CIBAR2: variants seen among roughly 807,000 people sequenced by gnomAD.
The protein encoded by CIBAR2 is CBY1 interacting BAR domain containing 2, also known as CBY1-interacting BAR domain-containing protein 2.
Under a neutral mutation model 36.2 loss-of-function variants are expected in CIBAR2, and 38 were observed. The observed-to-expected ratio is 1.05, with a 90% CI of 0.81 to 1.38. The LOEUF is 1.38. Among genes scored for constraint, CIBAR2 ranks in the 40% most tolerant of loss-of-function variants. CIBAR2 has a pLI of 0.00. For synonymous variants in CIBAR2, 182 were observed against 149.5 expected, an observed-to-expected ratio of 1.22 and a Z score of -1.58; for missense variants, 481 against 383.4, an observed-to-expected ratio of 1.25 and a Z score of -2.13.
intron 2 of CIBAR2, among the ~76,000 whole-genome samples, 176 bp from the exon 3 acceptor site, chr16:85,108,275 G>A (rs893960583): frequency 6.6e-6 from 1 of 152,172 alleles, no homozygotes; most frequent in Non-Finnish European, 1.5e-5. Flanking sequence ...CTGGGTTCAG[G>A]GCCCGGCTCT....
intron 2 of CIBAR2, 100 bp downstream of exon 2, chr16:85,110,126 G>T: frequency 1.2e-6 from 1 of 836,074 alleles, no homozygotes; most frequent in Non-Finnish European, 1.9e-6. Context: ...CACACCCATT[G>T]GCTGTGGCCA....
rs569559148 is a variant in CIBAR2 at position 85,100,317 on chromosome 16, G to A, written c.652-77C>T. 8.9e-6 allele frequency: 8 copies of A among 893,860 alleles called. No individual in the cohort carries two copies. The East Asian group carries it at 1.1e-4, about 12-fold the overall frequency. 55.4% of individuals were successfully genotyped at this position (893,860 alleles called of 1,614,324 possible). A position where few individuals can be genotyped will look rare whatever the true frequency, so the allele number is the denominator to read the frequency against. On this transcript the variant is annotated intron_variant, in intron 7 of 8. Coordinates refer to ENST00000539556, the MANE Select transcript of CIBAR2 (RefSeq NM_198491.3). Reference sequence around the variant, plus strand: ...GGTTGGGGGAGTGGGATGGAAAGACGGTGGGGACGAGAAGGCCCGAGACAG... The same window carrying A: ...GGTTGGGGGAGTGGGATGGAAAGACAGTGGGGACGAGAAGGCCCGAGACAG...
chr16:85,102,194 A>G lies in CIBAR2; in HGVS notation c.651+20T>C. On this transcript the variant is annotated intron_variant, in intron 7 of 8. Transcript: ENST00000539556. ...TCTGCCCCACTCCACCATATAGGAA[A>G]CGGGGTGTCTGTGACTCACCAGTAG... 1.5e-6 allele frequency: 2 copies of G among 1,363,502 alleles called. No homozygotes were observed. Among genetic ancestry groups the G allele is most frequent in the Non-Finnish European group, 2.1e-6 (2 of 953,752 alleles). 84.5% of individuals were successfully genotyped at this position (1,363,502 alleles called of 1,614,324 possible). A position where few individuals can be genotyped will look rare whatever the true frequency, so the allele number is the denominator to read the frequency against.
At chr16:85,099,797 CTTTTT>C (rs71386075) in intron 8 of CIBAR2, among the ~76,000 whole-genome samples, 19 of 77,508 alleles carry the variant, frequency 2.5e-4, no homozygotes, top group Middle Eastern at 0.013. Flanking sequence ...CTAATTTTTG[CTTTTT>C]TTTTTTTTTT....
At chr16:85,108,706 C>T (rs1320799827) in intron 2 of CIBAR2, among the ~76,000 whole-genome samples, 2 of 152,084 alleles carry the variant, frequency 1.3e-5, no homozygotes, top group Admixed American at 1.3e-4. Context: ...AACCCCGTCT[C>T]TACTAAAAAT....
At chr16:85,107,825 C>G (rs780827290) in intron 4 of CIBAR2, 21 bp downstream of exon 4, 1 of 1,604,220 alleles carries the variant, frequency 6.2e-7, no homozygotes, top group Non-Finnish European at 8.5e-7. Context: ...AGCCCCAGGC[C>G]CCACTTCCAG....
At chr16:85,105,296 G>T in intron 6 of CIBAR2, 31 bp downstream of exon 6, 1 of 1,410,230 alleles carries the variant, frequency 7.1e-7, no homozygotes, top group Non-Finnish European at 1.0e-6. Context: ...GGCAGCCCAG[G>T]GCGCCTCCCA....
intron 2 of CIBAR2, among the ~76,000 whole-genome samples, chr16:85,108,987 T>C (rs755684975): frequency 5.9e-5 from 9 of 152,192 alleles, no homozygotes; most frequent in Non-Finnish European, 1.0e-4. Flanking sequence ...TCAAGGAAGA[T>C]GGCACCCTGT....
At chr16:85,107,600 C>A (rs764963881) in intron 5 of CIBAR2, 67 bp downstream of exon 5, 5 of 1,564,728 alleles carry the variant, frequency 3.2e-6, no homozygotes, top group Non-Finnish European at 4.4e-6. Flanking sequence ...TCTACCTGGC[C>A]GTTTTGTGAG....
In CIBAR2 at chr16:85,100,220, T is replaced by C; in HGVS notation, c.672A>G (p.Gln224=). 1 of 1,609,988 alleles carries C rather than the reference T, an allele frequency of 6.2e-7. No homozygotes were observed. Among genetic ancestry groups the C allele is most frequent in the Non-Finnish European group, 8.5e-7 (1 of 1,178,496 alleles). ...GAGTGTCATAATGCCCATAAACTCC[T>C]TGCATCTTGGCTCTAAAATCCTGCC... ...RDLLDFRAKM[Q]GVYGHYDTRL... Residue 224 remains glutamine, a synonymous_variant, in exon 8 of 9, where the codon CAA becomes CAG. Transcript: ENST00000539556.
chr16:85,104,873 C>T (rs924409868), intron 6 of CIBAR2, among the ~76,000 whole-genome samples: 1 of 152,100 alleles, frequency 6.6e-6, no homozygotes, highest in East Asian at 1.9e-4. Flanking sequence ...GCTCTGGGCC[C>T]GGGGCTTTGT....
rs543488040 is a variant in CIBAR2, at chr16:85,106,334, A to T, written c.433-903T>A. 1.3e-3 allele frequency among the ~76,000 whole-genome samples: 202 copies of T among 152,224 alleles called. 1 individual carries two copies. The highest frequency in any genetic ancestry group is 4.2e-3 in the African/African-American group (175 of 41,542). ...GGTAGGTAGGATAAACGGCCCCCCA[A>T]AGATGTCTGCATCCTAATCCCTGGC... On this transcript the variant is annotated intron_variant, in intron 5 of 8. Coordinates refer to ENST00000539556, the MANE Select transcript of CIBAR2 (RefSeq NM_198491.3).
intron 8 of CIBAR2, 85 bp downstream of exon 8, chr16:85,100,054 C>G: frequency 9.5e-7 from 1 of 1,057,192 alleles, no homozygotes; most frequent in Non-Finnish European, 1.4e-6. Flanking sequence ...AGCCACCCTC[C>G]TCTAATCCCT....
At chr16:85,109,735 A>T (rs1324428135) in intron 2 of CIBAR2, among the ~76,000 whole-genome samples, 1 of 152,162 alleles carries the variant, frequency 6.6e-6, no homozygotes, top group Admixed American at 6.5e-5. Flanking sequence ...CTGGGCTCAG[A>T]CAGTCTGTCC....
In CIBAR2 at chr16:85,102,310, A is replaced by G; in HGVS notation, c.555T>C (p.Phe185=). 2 of 1,611,314 alleles carry G rather than the reference A, an allele frequency of 1.2e-6. No homozygotes were observed. Among genetic ancestry groups the G allele is most frequent in the Non-Finnish European group, 1.7e-6 (2 of 1,177,514 alleles). The change falls in exon 7 of 9, where the codon TTT becomes TTC. Residue 185 remains phenylalanine (F), a synonymous_variant. Transcript: ENST00000539556. ...LKDLQKFFCD[F]VTIEMVFHAK... ...CATGGAAAACCATCTCAATAGTTACAAAGTCACAAAAAAATTTCTGTGGGG... is the reference window on the plus strand; with the variant it reads ...CATGGAAAACCATCTCAATAGTTACGAAGTCACAAAAAAATTTCTGTGGGG...
At chr16:85,104,863 G>A (rs1597667464) in intron 6 of CIBAR2, among the ~76,000 whole-genome samples, 2 of 152,332 alleles carry the variant, frequency 1.3e-5, no homozygotes, top group Non-Finnish European at 2.9e-5. Flanking sequence ...AAGAGCTGGG[G>A]CTCTGGGCCC....
chr16:85,107,520 T>G (rs1334147394), intron 5 of CIBAR2, 147 bp downstream of exon 5: 1 of 825,334 alleles, frequency 1.2e-6, no homozygotes, highest in East Asian at 2.5e-5. Context: ...GAGCCCCTTT[T>G]TACTGGTACC....
At chr16:85,108,178 C>T in intron 2 of CIBAR2, 79 bp from the exon 3 acceptor site, 1 of 1,363,218 alleles carries the variant, frequency 7.3e-7, no homozygotes, top group Non-Finnish European at 1.0e-6. Flanking sequence ...GCAGAGCCGG[C>T]ACCCGGGAGC....
chr16:85,112,404 A>T lies in CIBAR2; in HGVS notation c.-52T>A. 1 of 1,586,642 alleles carries T rather than the reference A, an allele frequency of 6.3e-7. No individual in the cohort carries two copies. Among genetic ancestry groups the T allele is most frequent in the Non-Finnish European group, 8.7e-7 (1 of 1,155,278 alleles). ...TGCTGGGGAATAAGGACAGGGCCCC[A>T]GGGGTCCTGCAGGCCTGGGAGGAGC... is the stretch of plus-strand genomic sequence containing the variant. On this transcript the variant is annotated 5_prime_UTR_variant, in exon 1 of 9. Coordinates refer to ENST00000539556, the MANE Select transcript of CIBAR2 (RefSeq NM_198491.3).
Sources: gnomAD v4.1 joint callset for allele counts (sites outside exome capture counted in the v4.1 genomes callset) on GRCh38, gnomAD v4.1.1 for gene constraint, MANE v1.5 for transcripts, NCBI Gene and HGNC (gene_info 2026-07-23, HGNC 2026-07-21) for gene names.